The following HECTD4 variants were observed in gnomAD, a reference collection of about 807,000 sequenced individuals.
HECTD4 encodes probable E3 ubiquitin-protein ligase HECTD4.
Under a neutral mutation model 471.5 loss-of-function variants are expected in HECTD4, and 114 were observed. The observed-to-expected ratio is 0.24, with a 90% CI of 0.21 to 0.28. HECTD4 has a LOEUF of 0.28. Among genes scored for constraint, HECTD4 ranks in the 10% least tolerant of loss-of-function variants. The pLI is 1.00. For synonymous variants in HECTD4, 2,012 were observed against 2,256.0 expected (o/e 0.89, Z 3.07); for missense variants, 3,866 against 5,651.5 (o/e 0.68, Z 10.13).
Position 112,254,156 on chromosome 12 carries a change from T to A in HECTD4, c.3334A>T (p.Ile1112Leu). The A allele has an allele frequency of 6.2e-7, 1 of 1,613,864 alleles. No homozygotes were observed. Among genetic ancestry groups the A allele is most frequent in the Non-Finnish European group, 8.5e-7 (1 of 1,179,834 alleles). Residue 1112 changes from isoleucine to leucine, a missense_variant, in exon 22 of 76, where the codon ATA becomes TTA. Transcript: ENST00000682272. The stretch of plus-strand genomic sequence containing the variant: ...CTGTTTGTGTTAGGCCCCGCATATA[T>A]CACCAACTTCAAAACAGAAAATATA... ...SSQYDYDKLV[I>L]YAGPNTNSRK...
intron 21 of HECTD4, among the ~76,000 whole-genome samples, chr12:112,254,929 C>T (rs960334463): frequency 1.3e-5 from 2 of 152,186 alleles, no homozygotes; most frequent in Non-Finnish European, 2.9e-5. Context: ...TTCTAATGTG[C>T]GCTCTGACTG....
In HECTD4 at chr12:112,170,716, T is replaced by C. The variant is rs996641461; in HGVS notation, c.11933-264A>G. 47 of 497,542 alleles carry C rather than the reference T, an allele frequency of 9.4e-5. No individual in the cohort carries two copies. The East Asian group carries it at 1.5e-3, about 16-fold the overall frequency. 30.8% of individuals were successfully genotyped at this position (497,542 alleles called of 1,614,324 possible). ...TGTAGAAAATGATACCTATTTTTAA[T>C]TTAAAAAAAGACAAAAAGCTGTGTG... On this transcript the variant is annotated intron_variant, in intron 68 of 75. Transcript: ENST00000682272.
At chr12:112,279,446 C>T (rs192810681) in intron 8 of HECTD4, 60 bp from the exon 9 acceptor site, 968 of 1,425,562 alleles carry the variant, frequency 6.8e-4, no homozygotes, top group Middle Eastern at 1.4e-3. Context: ...AATTTGATTA[C>T]CAACACAGAT....
chr12:112,171,863 C>T (rs2031234256), intron 67 of HECTD4, among the ~76,000 whole-genome samples: 2 of 152,174 alleles, frequency 1.3e-5, no homozygotes, highest in South Asian at 2.1e-4. Context: ...ACCTTGTAAA[C>T]GGGGGGCGTC....
chr12:112,171,058 T>C, intron 68 of HECTD4, 59 bp downstream of exon 68: 1 of 1,456,074 alleles, frequency 6.9e-7, no homozygotes, highest in Non-Finnish European at 9.4e-7. Flanking sequence ...ATTCTGGCCC[T>C]GGTGTCTTGC....
Position 112,382,327 on chromosome 12 carries a change from T to TGCCGCCGCCGCC in HECTD4, c.-211_-200dup, listed in dbSNP as rs558182543. Reference sequence around the variant, plus strand: ...ACCCCGGCCCGGGAGACCCCGGCCCTGCCGCCGCCGCCGCCGCCGCCGCCG... The same window carrying TGCCGCCGCCGCC: ...ACCCCGGCCCGGGAGACCCCGGCCCTGCCGCCGCCGCCGCCGCCGCCGCCGCCGCCGCCGCCG... On this transcript the variant is annotated 5_prime_UTR_variant, in exon 1 of 76. Coordinates refer to ENST00000682272, the MANE Select transcript of HECTD4 (RefSeq NM_001388303.1). 712 of 356,254 alleles carry TGCCGCCGCCGCC rather than the reference T, an allele frequency of 2.0e-3. 4 individuals are homozygous for TGCCGCCGCCGCC. The highest frequency in any genetic ancestry group is 4.9e-3 in the African/African-American group (209 of 42,660). The allele number at this position is 356,254 out of a possible 1,614,324, so 22.1% of individuals were successfully genotyped here. A position where few individuals can be genotyped will look rare whatever the true frequency, so the allele number is the denominator to read the frequency against.
At chr12:112,177,374 G>GTT (rs2031487674) in intron 64 of HECTD4, among the ~76,000 whole-genome samples, 1 of 147,022 alleles carries the variant, frequency 6.8e-6, no homozygotes, top group African/African-American at 2.6e-5. Context: ...ATGTTATGAG[G>GTT]CTATTTTTTT....
intron 44 of HECTD4, among the ~76,000 whole-genome samples, chr12:112,225,382 G>A (rs921170954): frequency 2.7e-5 from 4 of 150,322 alleles, no homozygotes; most frequent in East Asian, 1.9e-4. Context: ...ATTTAAAGCC[G>A]TCCATTTCTA....
chr12:112,370,009 G>A (rs951455311), intron 1 of HECTD4, among the ~76,000 whole-genome samples: 2 of 152,188 alleles, frequency 1.3e-5, no homozygotes, highest in Non-Finnish European at 2.9e-5. Flanking sequence ...CTTTGCAGAT[G>A]TGATTAAGTT....
intron 22 of HECTD4, 70 bp downstream of exon 22, chr12:112,253,973 A>G (rs1355524141): frequency 1.3e-6 from 2 of 1,536,490 alleles, no homozygotes; most frequent in East Asian, 4.5e-5. Context: ...GATTACAGTT[A>G]GTACTTGGAC....
At chr12:112,346,600 T>C (rs985956828) in intron 1 of HECTD4, among the ~76,000 whole-genome samples, 2 of 152,198 alleles carry the variant, frequency 1.3e-5, no homozygotes, top group African/African-American at 4.8e-5. Flanking sequence ...CATCTATAGT[T>C]GAAGCTACTC....
chr12:112,201,175 T>A (rs2032417284), intron 54 of HECTD4: 1 of 427,662 alleles, frequency 2.3e-6, no homozygotes, highest in African/African-American at 2.1e-5. Flanking sequence ...CACACTGCAG[T>A]CTCTGCCTCC....
intron 1 of HECTD4, among the ~76,000 whole-genome samples, chr12:112,361,200 A>T (rs572344197): frequency 2.0e-5 from 3 of 152,186 alleles, no homozygotes; most frequent in African/African-American, 7.2e-5. Flanking sequence ...CTCTTCTCCC[A>T]TCCATATTTT....
intron 1 of HECTD4, among the ~76,000 whole-genome samples, chr12:112,321,524 G>A (rs2035583920): frequency 6.6e-6 from 1 of 152,164 alleles, no homozygotes; most frequent in Non-Finnish European, 1.5e-5. Context: ...GTGGGAAGAG[G>A]CCTGGGACAA....
chr12:112,283,091 G>A lies in HECTD4; in HGVS notation c.1528+19C>T. ...GAGCTATACAAGGAAACAGATCTGG[G>A]AAGCACAGAGTAACATACCTGCTTG... On this transcript the variant is annotated intron_variant, in intron 8 of 75. Coordinates refer to ENST00000682272, the MANE Select transcript of HECTD4 (RefSeq NM_001388303.1). 6.2e-7 allele frequency: 1 copy of A among 1,601,922 alleles called. No individual in the cohort carries two copies. Among genetic ancestry groups the A allele is most frequent in the Non-Finnish European group, 8.5e-7 (1 of 1,171,700 alleles).
chr12:112,178,233 C>T (rs1853246526), intron 64 of HECTD4, among the ~76,000 whole-genome samples: 1 of 152,096 alleles, frequency 6.6e-6, no homozygotes, highest in African/African-American at 2.4e-5. Flanking sequence ...CATGCCACCA[C>T]AGTCAGCTAA....
Position 112,381,169 on chromosome 12 carries a change from T to C in HECTD4, c.177+783A>G, listed in dbSNP as rs1464604636. Among the ~76,000 whole-genome samples the C allele has an allele frequency of 6.6e-6, 1 of 152,060 alleles. No individual in the cohort carries two copies. The highest frequency in any genetic ancestry group is 1.5e-5 in the Non-Finnish European group (1 of 68,008). ...ATGGAAAGTTCCCACCAACCAGGCA[T>C]ATTTGGTTCCCTTCTGCCCCCAAGG... On this transcript the variant is annotated intron_variant, in intron 1 of 75. Coordinates refer to ENST00000682272, the MANE Select transcript of HECTD4 (RefSeq NM_001388303.1). This position sits in a 1 kb window ranked among gnomAD's most constrained non-coding sequence, Gnocchi z 4.1.
chr12:112,331,975 G>A (rs952469665), intron 1 of HECTD4, among the ~76,000 whole-genome samples: 39 of 152,206 alleles, frequency 2.6e-4, no homozygotes, highest in African/African-American at 9.4e-4. Flanking sequence ...TCCAGAAGAA[G>A]ATGATTTGAC....
At chr12:112,345,229 T>TG (rs1253431561) in intron 1 of HECTD4, among the ~76,000 whole-genome samples, 1 of 150,356 alleles carries the variant, frequency 6.7e-6, no homozygotes, top group Admixed American at 6.6e-5. Flanking sequence ...CACTCCAACC[T>TG]GGGTGACAGA....
Sources: allele counts gnomAD v4.1 joint callset (sites outside exome capture counted in the v4.1 genomes callset), GRCh38; gene constraint gnomAD v4.1.1; non-coding constraint Gnocchi (gnomAD v3.1); transcripts MANE v1.5; gene names NCBI Gene and HGNC (gene_info 2026-07-23, HGNC 2026-07-21).